The following PGS1 variants were observed in gnomAD, a reference collection of about 807,000 sequenced individuals.
PGS1 encodes the protein phosphatidylglycerophosphate synthase 1.
Under a neutral mutation model 58.3 loss-of-function variants are expected in PGS1, and 44 were observed. The observed-to-expected ratio is 0.75, with a 90% CI of 0.59 to 0.97. The LOEUF is 0.97. PGS1 is among the 50% of genes least tolerant of loss of function. PGS1 has a pLI of 0.00. For synonymous variants in PGS1, 330 were observed against 311.0 expected, an observed-to-expected ratio of 1.06 and a Z score of -0.64; for missense variants, 684 against 731.1, an observed-to-expected ratio of 0.94 and a Z score of 0.74.
intron 4 of PGS1, among the ~76,000 whole-genome samples, chr17:78,398,953 G>A (rs770481475): frequency 2.0e-4 from 30 of 152,194 alleles, no homozygotes; most frequent in Non-Finnish European, 4.4e-4. Flanking sequence ...GGAGTGTGCC[G>A]AGTAGCCCAG....
At chr17:78,388,572 C>T (rs1412988038) in intron 1 of PGS1, among the ~76,000 whole-genome samples, 1 of 151,898 alleles carries the variant, frequency 6.6e-6, no homozygotes, top group Non-Finnish European at 1.5e-5. Context: ...TCTGGAGCTC[C>T]TGGTGTCAAG....
At chr17:78,418,220 G>A (rs543592110) in intron 8 of PGS1, among the ~76,000 whole-genome samples, 3 of 152,164 alleles carry the variant, frequency 2.0e-5, no homozygotes, top group East Asian at 1.9e-4. Flanking sequence ...GTGAGCCACC[G>A]CGCCCGGCCG....
At chr17:78,394,509 T>A (rs1189631360) in intron 2 of PGS1, among the ~76,000 whole-genome samples, 2 of 152,156 alleles carry the variant, frequency 1.3e-5, no homozygotes, top group East Asian at 3.9e-4. Context: ...TCTTTGCTCC[T>A]AATTGATTTT....
intron 2 of PGS1, 102 bp downstream of exon 2, chr17:78,392,767 C>T: frequency 1.2e-6 from 1 of 855,382 alleles, no homozygotes; most frequent in Non-Finnish European, 1.8e-6. Flanking sequence ...GATAGCTGCT[C>T]AAGCTTATTC....
chr17:78,420,231 C>T (rs779375742), intron 9 of PGS1: 29 of 990,722 alleles, frequency 2.9e-5, no homozygotes, highest in Non-Finnish European at 3.5e-5. Context: ...CCCTTCTAGA[C>T]TCTGGAAGTT....
Position 78,424,343 on chromosome 17 carries a change from C to CG in PGS1, c.*294dup. Reference sequence around the variant, plus strand: ...GATGGCCTGCATGTTGTAACTACCCCGTCCCGCTGGGCTCAAGGAACAGCT... The same window carrying CG: ...GATGGCCTGCATGTTGTAACTACCCCGGTCCCGCTGGGCTCAAGGAACAGCT... On this transcript the variant is annotated 3_prime_UTR_variant, in exon 10 of 10. Transcript: ENST00000262764. The CG allele has an allele frequency of 1.6e-6, 1 of 642,884 alleles. No individual in the cohort carries two copies. Among genetic ancestry groups the CG allele is most frequent in the East Asian group, 2.8e-5 (1 of 35,302 alleles). The allele number at this position is 642,884 out of a possible 1,614,324, so 39.8% of individuals were successfully genotyped here.
chr17:78,424,063 A>C lies in PGS1; in HGVS notation c.*13A>C. ...CTTGGTCTCCATGCGGTCCACAGGA[A>C]TGGCCTTGATGAAGATGACAGGCAT... On this transcript the variant is annotated splice_region_variant and 3_prime_UTR_variant, in exon 10 of 10. Coordinates refer to ENST00000262764, the MANE Select transcript of PGS1 (RefSeq NM_024419.5). 1 of 1,614,028 alleles carries C rather than the reference A, an allele frequency of 6.2e-7. No individual in the cohort carries two copies. Among genetic ancestry groups the C allele is most frequent in the Non-Finnish European group, 8.5e-7 (1 of 1,179,892 alleles).
At position 78,403,747 on chromosome 17, in the gene PGS1, C is replaced by T. The variant is rs778360737; in HGVS notation, c.1060C>T (p.Leu354=). 8 of 1,614,202 alleles carry T rather than the reference C, an allele frequency of 5.0e-6. No homozygotes were observed. The South Asian group carries it at 8.8e-5, about 18-fold the overall frequency. ...RPAPDTWIYP[L]IQMKPFEIQI... ...AGCCCCTGACACCTGGATTTATCCG[C>T]TGATTCAGATGAAGCCCTTCGAGAT... The change falls in exon 7 of 10, where the codon CTG becomes TTG. Residue 354 remains leucine, a synonymous_variant. Transcript: ENST00000262764.
At position 78,398,388 on chromosome 17, in the gene PGS1, G is replaced by T. The variant is rs1405785443; in HGVS notation, c.511+37G>T. 2.9e-6 allele frequency: 4 copies of T among 1,378,308 alleles called. No homozygotes were observed. In the East Asian group the frequency reaches 9.1e-5, roughly 31 times the overall value. The allele number at this position is 1,378,308 out of a possible 1,614,324, so 85.4% of individuals were successfully genotyped here. On this transcript the variant is annotated intron_variant, in intron 4 of 9. Coordinates refer to ENST00000262764, the MANE Select transcript of PGS1 (RefSeq NM_024419.5). ...GCAAGCCTGGCCCCTCCTGCTTCCT[G>T]TGTCAGATCCTCAGTCCCAAGAGGG... is the stretch of plus-strand genomic sequence containing the variant.
intron 9 of PGS1, chr17:78,420,370 C>A: frequency 3.1e-6 from 1 of 324,810 alleles, no homozygotes; most frequent in Non-Finnish European, 4.4e-6. Context: ...CAGGGGGTGG[C>A]TGCCATTAAA....
chr17:78,403,982 A>T lies in PGS1; in HGVS notation c.1295A>T (p.Tyr432Phe). ...GTGGCCGGCGCCATCCCAGCGGCCT[A>T]TGTGCACATCGAGCGACAGTTCTTC... ...KGVAGAIPAAYVHIERQFFSE... is the reference protein window; with the variant it reads ...KGVAGAIPAAFVHIERQFFSE... Residue 432 changes from tyrosine to phenylalanine, a missense_variant, in exon 7 of 10, where the codon TAT (tyrosine) becomes TTT (phenylalanine). Coordinates refer to ENST00000262764, the MANE Select transcript of PGS1 (RefSeq NM_024419.5). The T allele has an allele frequency of 1.9e-6, 3 of 1,613,982 alleles. No individual in the cohort carries two copies. Among genetic ancestry groups the T allele is most frequent in the Non-Finnish European group, 2.5e-6 (3 of 1,179,956 alleles).
chr17:78,406,315 C>G (rs1213261939), intron 7 of PGS1, among the ~76,000 whole-genome samples: 1 of 151,782 alleles, frequency 6.6e-6, no homozygotes, highest in East Asian at 1.9e-4. Context: ...GAGACTCTGT[C>G]TCAAAAAAAG....
chr17:78,386,996 A>G (rs985569286), intron 1 of PGS1, among the ~76,000 whole-genome samples: 5 of 134,162 alleles, frequency 3.7e-5, no homozygotes, highest in African/African-American at 5.5e-5. Context: ...GATGGTGATG[A>G]TGATGATGAT....
At chr17:78,389,580 C>T (rs1022807488) in intron 1 of PGS1, among the ~76,000 whole-genome samples, 1 of 109,428 alleles carries the variant, frequency 9.1e-6, no homozygotes, top group African/African-American at 4.3e-5. Context: ...CTCGGCCTCC[C>T]AAAGTACTGG....
intron 9 of PGS1, chr17:78,420,233 C>T (rs1247639573): frequency 3.0e-6 from 3 of 989,984 alleles, no homozygotes; most frequent in African/African-American, 1.7e-5. Context: ...CTTCTAGACT[C>T]TGGAAGTTGA....
intron 5 of PGS1, 64 bp downstream of exon 5, chr17:78,399,601 A>G (rs1214738621): frequency 2.0e-6 from 3 of 1,535,160 alleles, no homozygotes; most frequent in African/African-American, 1.4e-5. Flanking sequence ...GCAGTGGAAT[A>G]GGAACAGTGG....
At chr17:78,411,614 C>T (rs1291221797) in intron 7 of PGS1, among the ~76,000 whole-genome samples, 1 of 152,224 alleles carries the variant, frequency 6.6e-6, no homozygotes, top group African/African-American at 2.4e-5. Context: ...GCTGCTTCCT[C>T]CCTCCCCAGG....
chr17:78,390,176 G>A (rs2082719593), intron 1 of PGS1, among the ~76,000 whole-genome samples: 1 of 152,066 alleles, frequency 6.6e-6, no homozygotes, highest in Non-Finnish European at 1.5e-5. Flanking sequence ...CTGCTGCACT[G>A]AAGGGTCCTT....
At chr17:78,423,258 G>A (rs528650146) in intron 9 of PGS1, among the ~76,000 whole-genome samples, 1 of 152,260 alleles carries the variant, frequency 6.6e-6, no homozygotes, top group South Asian at 2.1e-4. Context: ...CCACCTCACT[G>A]CCGTGTCCTG....
Sources: gnomAD v4.1 joint callset for allele counts (sites outside exome capture counted in the v4.1 genomes callset) on GRCh38, gnomAD v4.1.1 for gene constraint, MANE v1.5 for transcripts, NCBI Gene and HGNC (gene_info 2026-07-23, HGNC 2026-07-21) for gene names.